Variants in HNRNPR observed in about 807,000 individuals in gnomAD.
HNRNPR encodes the protein heterogeneous nuclear ribonucleoprotein R.
A neutral mutation model predicts 70.3 loss-of-function variants in HNRNPR; 4 were observed. That is an observed-to-expected ratio of 0.06 (90% confidence interval 0.03 to 0.13). The LOEUF (loss-of-function observed/expected upper bound fraction) is 0.13, where lower values mean the gene tolerates loss of function less well. Ranked by LOEUF, HNRNPR falls within the 10% of genes least tolerant of loss-of-function variation. HNRNPR has a pLI of 1.00. For synonymous variants in HNRNPR, 241 were observed against 267.6 expected (o/e 0.90, Z 0.97); for missense variants, 423 against 788.5 (o/e 0.54, Z 5.55).
intron 9 of HNRNPR, 72 bp from the exon 10 acceptor site, chr1:23,311,394 T>C: frequency 1.0e-6 from 1 of 991,822 alleles, no homozygotes. Context: ...ATGTAAGCTA[T>C]TATACTTGTG....
At chr1:23,328,877 AGGAGGCCAAG>A (rs780620573) in intron 5 of HNRNPR, among the ~76,000 whole-genome samples, 16 of 152,160 alleles carry the variant, frequency 1.1e-4, no homozygotes, top group Non-Finnish European at 2.2e-4. Context: ...CCAACTCTCG[AGGAGGCCAAG>A]GCAGGAGGAT....
intron 5 of HNRNPR, among the ~76,000 whole-genome samples, chr1:23,329,560 A>G (rs1406946029): frequency 6.6e-6 from 1 of 152,216 alleles, no homozygotes; most frequent in Non-Finnish European, 1.5e-5. Context: ...AGACCCAGAA[A>G]AAGTTTTAGC....
Position 23,304,867 on chromosome 1 carries a change from TTTA to T in HNRNPR, c.*5584_*5586del. ...TATGTTACTATATCCATATCAGCAA[TTTA>T]TGTTTGCAGGAGCCTTCAGTCCAAT... On this transcript the variant is annotated 3_prime_UTR_variant, in exon 11 of 11. Transcript: ENST00000302271. 1 of 152,204 alleles carries T rather than the reference TTTA, an allele frequency of 6.6e-6. No individual in the cohort carries two copies. Among genetic ancestry groups the T allele is most frequent in the East Asian group, 1.9e-4 (1 of 5,200 alleles). 9.4% of individuals were successfully genotyped at this position (152,204 alleles called of 1,614,324 possible). A position where few individuals can be genotyped will look rare whatever the true frequency, so the allele number is the denominator to read the frequency against.
At chr1:23,340,609 GAC>G (rs1489451631) in intron 2 of HNRNPR, among the ~76,000 whole-genome samples, 1 of 152,102 alleles carries the variant, frequency 6.6e-6, no homozygotes, top group Non-Finnish European at 1.5e-5. Context: ...GTAAATCTAA[GAC>G]AAATCGATGT....
At chr1:23,324,523 G>A (rs1415394493) in intron 5 of HNRNPR, among the ~76,000 whole-genome samples, 1 of 152,090 alleles carries the variant, frequency 6.6e-6, no homozygotes. Context: ...AGCCGAGATC[G>A]TGCCACTGCA....
chr1:23,322,288 G>C (rs1221478853), intron 6 of HNRNPR, among the ~76,000 whole-genome samples: 1 of 151,608 alleles, frequency 6.6e-6, no homozygotes, highest in African/African-American at 2.4e-5. Context: ...CAAGCTGGAG[G>C]GCAGTAGCAT....
chr1:23,343,026 CAAGCCAAATACAA>C (rs1339004009), intron 1 of HNRNPR, among the ~76,000 whole-genome samples: 2 of 152,156 alleles, frequency 1.3e-5, no homozygotes, highest in African/African-American at 4.8e-5. Context: ...CCTCTCTCTT[CAAGCCAAATACAA>C]AATGCTCATT....
chr1:23,338,159 T>C, intron 3 of HNRNPR: 1 of 323,788 alleles, frequency 3.1e-6, no homozygotes, highest in Non-Finnish European at 5.6e-6. Context: ...CCCACCTACA[T>C]TTTCCTCCAA....
chr1:23,312,532 A>G (rs980490078), intron 9 of HNRNPR, among the ~76,000 whole-genome samples: 20 of 152,264 alleles, frequency 1.3e-4, no homozygotes, highest in Admixed American at 5.9e-4. Context: ...GTATAACAGC[A>G]TAACAGATAA....
intron 4 of HNRNPR, among the ~76,000 whole-genome samples, chr1:23,337,071 T>G (rs1646523937): frequency 6.6e-6 from 1 of 152,196 alleles, no homozygotes; most frequent in Non-Finnish European, 1.5e-5. Flanking sequence ...AACTGAATAT[T>G]CAAAAGGAGG....
chr1:23,330,402 G>A (rs764264497), intron 5 of HNRNPR, among the ~76,000 whole-genome samples: 14 of 152,234 alleles, frequency 9.2e-5, no homozygotes, highest in South Asian at 6.2e-4. Flanking sequence ...GAGCATGGTG[G>A]TGCATGCTTG....
chr1:23,334,834 T>C (rs914560779), intron 4 of HNRNPR, among the ~76,000 whole-genome samples: 4 of 152,096 alleles, frequency 2.6e-5, no homozygotes, highest in African/African-American at 9.7e-5. Context: ...GCAACATCTA[T>C]ATAAAGAGCT....
At chr1:23,343,208 CA>C (rs1646770949) in intron 1 of HNRNPR, among the ~76,000 whole-genome samples, 1 of 152,192 alleles carries the variant, frequency 6.6e-6, no homozygotes, top group African/African-American at 2.4e-5. Context: ...AAAAAGGAGA[CA>C]TTTAAAGATT....
Position 23,313,610 on chromosome 1 carries a change from T to C in HNRNPR, c.1110A>G (p.Val370=), listed in dbSNP as rs774161958. ...CAAATGCATAATCTTTCAACTTCTTTACTCTTTCGAGTTTTCCAAATTCAG... is the reference window on the plus strand; with the variant it reads ...CAAATGCATAATCTTTCAACTTCTTCACTCTTTCGAGTTTTCCAAATTCAG... ...SFSEFGKLER[V]KKLKDYAFVH... is the part of the protein sequence containing the mutation. Residue 370 remains valine (V), a synonymous_variant, in exon 9 of 11, where the codon GTA becomes GTG. Transcript: ENST00000302271. 2 of 1,602,482 alleles carry C rather than the reference T, an allele frequency of 1.2e-6. No individual in the cohort carries two copies. The highest frequency in any genetic ancestry group is 4.6e-5 in the East Asian group (2 of 43,880).
chr1:23,322,670 C>T (rs1337287049), intron 6 of HNRNPR, among the ~76,000 whole-genome samples: 2 of 151,904 alleles, frequency 1.3e-5, no homozygotes, highest in African/African-American at 4.8e-5. Flanking sequence ...AGAAAAAATC[C>T]ATAATAAAAA....
intron 8 of HNRNPR, among the ~76,000 whole-genome samples, chr1:23,315,496 T>C (rs192189152): frequency 5.0e-4 from 76 of 152,136 alleles, no homozygotes; most frequent in Admixed American, 4.5e-3. Context: ...GGTAGATCAG[T>C]GGATATGGTA....
intron 1 of HNRNPR, among the ~76,000 whole-genome samples, chr1:23,341,776 A>G (rs933115329): frequency 6.6e-6 from 1 of 152,230 alleles, no homozygotes; most frequent in Non-Finnish European, 1.5e-5. Flanking sequence ...ATGTAAAAAC[A>G]TACTGAAGAA....
At chr1:23,338,978 T>C (rs1337670874) in intron 2 of HNRNPR, among the ~76,000 whole-genome samples, 1 of 152,204 alleles carries the variant, frequency 6.6e-6, no homozygotes, top group African/African-American at 2.4e-5. Flanking sequence ...ATTAGAGTGA[T>C]AAGAATACAT....
intron 5 of HNRNPR, among the ~76,000 whole-genome samples, chr1:23,325,290 T>C (rs886495441): frequency 2.0e-5 from 3 of 152,314 alleles, no homozygotes; most frequent in South Asian, 2.1e-4. Flanking sequence ...TAGGTAAATA[T>C]AGAAGTAATA....
Sources: gnomAD v4.1 joint callset for allele counts (sites outside exome capture counted in the v4.1 genomes callset) on GRCh38, gnomAD v4.1.1 for gene constraint, MANE v1.5 for transcripts, NCBI Gene and HGNC (gene_info 2026-07-23, HGNC 2026-07-21) for gene names.